The following FRG1 variants were observed in gnomAD, a reference collection of about 807,000 sequenced individuals.
FRG1 encodes protein FRG1.
FRG1 carries 19 observed loss-of-function variants against 37.0 expected under a neutral mutation model. That is an observed-to-expected ratio of 0.51 (90% confidence interval 0.36 to 0.75). The LOEUF is 0.75. Ranked by LOEUF, FRG1 falls within the 30% of genes least tolerant of loss-of-function variation. The pLI is 0.00. For missense variants in FRG1, 243 were observed against 301.4 expected (o/e 0.81, Z 1.44); for synonymous variants, 73 against 96.5 (o/e 0.76, Z 1.43).
At chr4:189,961,026 AC>A (rs1467215642) in intron 7 of FRG1, 187 bp downstream of exon 7, 1 of 578,820 alleles carries the variant, frequency 1.7e-6, no homozygotes, top group Admixed American at 3.5e-5. Context: ...TCTGATCACC[AC>A]TGCCTTCCAG....
chr4:189,954,703 T>A (rs1369465958), intron 4 of FRG1, among the ~76,000 whole-genome samples: 1 of 151,306 alleles, frequency 6.6e-6, no homozygotes, highest in Non-Finnish European at 1.5e-5. Context: ...CAAGCAATCC[T>A]CCTGCGTCAG....
chr4:189,958,803 A>G (rs1245786735), intron 6 of FRG1, among the ~76,000 whole-genome samples: 1 of 152,236 alleles, frequency 6.6e-6, no homozygotes, highest in African/African-American at 2.4e-5. Context: ...CACAGAAGCC[A>G]CTGATCTTTA....
At chr4:189,960,660 T>G in intron 6 of FRG1, 88 bp from the exon 7 acceptor site, 1 of 1,173,612 alleles carries the variant, frequency 8.5e-7, no homozygotes, top group Non-Finnish European at 1.1e-6. Flanking sequence ...GCATAAGAAA[T>G]CATCTCGAAT....
chr4:189,951,960 A>G (rs1175763113), intron 2 of FRG1, among the ~76,000 whole-genome samples: 1 of 152,236 alleles, frequency 6.6e-6, no homozygotes, highest in Non-Finnish European at 1.5e-5. Context: ...GATTATATCA[A>G]TTTCAGTTTC....
intron 2 of FRG1, among the ~76,000 whole-genome samples, chr4:189,951,867 A>T (rs1329427533): frequency 6.6e-6 from 1 of 152,068 alleles, no homozygotes; most frequent in Non-Finnish European, 1.5e-5. Flanking sequence ...CCTAATCCTG[A>T]CTGTGCTGGT....
chr4:189,941,043 C>T lies in FRG1; in HGVS notation c.34C>T (p.Leu12Phe). ...GTACTCCTACGTGAAGTCTACCAAGCTCGTGCTCAAGGGAACCAAGACGAA... is the reference window on the plus strand; with the variant it reads ...GTACTCCTACGTGAAGTCTACCAAGTTCGTGCTCAAGGGAACCAAGACGAA... The part of the protein sequence containing the change: ...AEYSYVKSTK[L>F]VLKGTKTKSK... The change falls in exon 1 of 9, where the codon CTC (leucine) becomes TTC (phenylalanine). Residue 12 changes from leucine (L) to phenylalanine (F), a missense_variant. Leu to Phe is a conservative substitution (Grantham distance 22). Coordinates refer to ENST00000226798, the MANE Select transcript of FRG1 (RefSeq NM_004477.3). 6.2e-7 allele frequency: 1 copy of T among 1,614,178 alleles called. No individual in the cohort carries two copies. Among genetic ancestry groups the T allele is most frequent in the Non-Finnish European group, 8.5e-7 (1 of 1,179,990 alleles).
At chr4:189,945,506 A>T (rs1335791738) in intron 2 of FRG1, among the ~76,000 whole-genome samples, 2 of 152,194 alleles carry the variant, frequency 1.3e-5, no homozygotes, top group Non-Finnish European at 2.9e-5. Context: ...TGTTGAGATG[A>T]TTATACAGCT....
At chr4:189,955,545 G>A (rs1297579799) in intron 5 of FRG1, among the ~76,000 whole-genome samples, 2 of 152,100 alleles carry the variant, frequency 1.3e-5, no homozygotes, top group African/African-American at 4.8e-5. Flanking sequence ...GTGACAATTT[G>A]TGCATAAAAT....
chr4:189,959,830 T>G, intron 6 of FRG1: 1 of 968,124 alleles, frequency 1.0e-6, no homozygotes, highest in Non-Finnish European at 1.2e-6. Context: ...TCTTTTCCTT[T>G]ACCATTTAAT....
intron 2 of FRG1, among the ~76,000 whole-genome samples, chr4:189,944,133 C>T (rs1176300029): frequency 6.6e-6 from 1 of 152,212 alleles, no homozygotes; most frequent in African/African-American, 2.4e-5. Flanking sequence ...GTCTTTTCTC[C>T]CAGTCTGAGT....
chr4:189,950,076 C>T (rs1579627136), intron 2 of FRG1, among the ~76,000 whole-genome samples: 2 of 152,084 alleles, frequency 1.3e-5, no homozygotes. Flanking sequence ...AATAGCTATT[C>T]TAATGGGTGT....
At chr4:189,956,392 A>G (rs1034787288) in intron 5 of FRG1, among the ~76,000 whole-genome samples, 4 of 152,242 alleles carry the variant, frequency 2.6e-5, no homozygotes, top group Admixed American at 2.0e-4. Context: ...CTTAGATAGT[A>G]CTAATAATAC....
In FRG1 at chr4:189,952,226, G is replaced by A. The variant is rs767878037; in HGVS notation, c.198G>A (p.Lys66=). Residue 66 remains lysine (K), a synonymous_variant, in exon 3 of 9, where the codon AAG becomes AAA. Coordinates refer to ENST00000226798, the MANE Select transcript of FRG1 (RefSeq NM_004477.3). The part of the protein sequence containing the change: ...ISGTIAIEMD[K]GTYIHALDNG... ...GAACCATAGCCATTGAAATGGATAA[G>A]GGAACCTATATACATGCACTCGACA... 29 of 1,608,336 alleles carry A rather than the reference G, an allele frequency of 1.8e-5. No homozygotes were observed. The highest frequency in any genetic ancestry group is 2.5e-5 in the Non-Finnish European group (29 of 1,177,122).
At chr4:189,952,501 A>C (rs1265098843) in intron 3 of FRG1, among the ~76,000 whole-genome samples, 1 of 152,240 alleles carries the variant, frequency 6.6e-6, no homozygotes, top group Non-Finnish European at 1.5e-5. Flanking sequence ...ATAGTTCCAG[A>C]AGAGTATCTT....
intron 1 of FRG1, 77 bp downstream of exon 1, chr4:189,941,148 C>T (rs1017261898): frequency 1.6e-5 from 22 of 1,338,546 alleles, no homozygotes; most frequent in Non-Finnish European, 2.2e-5. Context: ...CGGTGGAAGC[C>T]GTGGCGCGGA....
chr4:189,952,287 G>A lies in FRG1; in HGVS notation c.259G>A (p.Val87Ile), dbSNP rs1195105404. Residue 87 changes from valine to isoleucine, a missense_variant and splice_region_variant, in exon 3 of 9, where the codon GTT becomes ATT. Coordinates refer to ENST00000226798, the MANE Select transcript of FRG1 (RefSeq NM_004477.3). ...TACCCTGGGAGCTCCACACAAAGAA[G>A]GTTTGTGTCTGGAAGGGAAGAGGCT... ...LFTLGAPHKE[V>I]DEGPSPPEQF... 2 of 1,610,240 alleles carry A rather than the reference G, an allele frequency of 1.2e-6. No homozygotes were observed. Among genetic ancestry groups the A allele is most frequent in the African/African-American group, 2.7e-5 (2 of 74,932 alleles).
intron 3 of FRG1, among the ~76,000 whole-genome samples, chr4:189,952,662 C>A (rs1736807706): frequency 6.6e-6 from 1 of 152,134 alleles, no homozygotes; most frequent in Non-Finnish European, 1.5e-5. Context: ...TCCTCATTTT[C>A]TTTAGCCCAT....
At chr4:189,952,563 A>C (rs1309475494) in intron 3 of FRG1, among the ~76,000 whole-genome samples, 1 of 152,364 alleles carries the variant, frequency 6.6e-6, no homozygotes, top group South Asian at 2.1e-4. Flanking sequence ...AAGAAAAAAG[A>C]AAACCTATTT....
rs1234967962 is a variant in FRG1, at chr4:189,961,862, A to G, written c.670A>G (p.Ser224Gly). ...CTTCCAAGACCACAAACTTAAAATA[A>G]GTAAAGAAGACAGTAAAATTCTTAA... ...QSFQDHKLKI[S>G]KEDSKILKKA... The change falls in exon 8 of 9, where the codon AGT (serine) becomes GGT (glycine). Residue 224 changes from serine to glycine, a missense_variant. Ser to Gly is a moderately conservative substitution (Grantham distance 56, BLOSUM62 0). Around this residue, in one of 2 missense-constraint regions of FRG1, gnomAD observed 133 missense variants for 199.3 expected, o/e 0.67. Transcript: ENST00000226798. The G allele has an allele frequency of 6.3e-7, 1 of 1,594,938 alleles. No individual in the cohort carries two copies.
Sources: gnomAD v4.1 joint callset for allele counts (sites outside exome capture counted in the v4.1 genomes callset) on GRCh38, gnomAD v4.1.1 for gene constraint, gnomAD v4.1.1 regional missense constraint, MANE v1.5 for transcripts, NCBI Gene and HGNC (gene_info 2026-07-23, HGNC 2026-07-21) for gene names.